CHCHD3: variants seen among roughly 807,000 people sequenced by gnomAD.
CHCHD3 encodes coiled-coil-helix-coiled-coil-helix domain containing 3, also known as MICOS complex subunit MIC19.
CHCHD3 carries 20 observed loss-of-function variants against 38.2 expected under a neutral mutation model. The observed-to-expected ratio is 0.52, with a 90% CI of 0.37 to 0.76. The LOEUF (loss-of-function observed/expected upper bound fraction) is 0.76. Ranked by LOEUF, CHCHD3 falls within the 30% of genes least tolerant of loss-of-function variation. The probability of loss-of-function intolerance (pLI) is 0.00; values close to 1 mark genes in which losing one functional copy is unlikely to be tolerated. For missense variants in CHCHD3, 245 were observed against 279.2 expected (o/e 0.88, Z 0.87); for synonymous variants, 82 against 100.0 (o/e 0.82, Z 1.07).
At chr7:132,937,288 T>C (rs1209116899) in intron 4 of CHCHD3, among the ~76,000 whole-genome samples, 4 of 152,218 alleles carry the variant, frequency 2.6e-5, no homozygotes, top group Non-Finnish European at 5.9e-5. Flanking sequence ...TGCTCATGTA[T>C]ACAGCTATCT....
intron 6 of CHCHD3, among the ~76,000 whole-genome samples, chr7:132,824,676 G>A (rs10242401): frequency 0.38 from 57,463 of 151,868 alleles, 11,434 homozygotes; most frequent in Middle Eastern, 0.51. Context: ...TTTAAAATAC[G>A]GCATTTCAAG....
At chr7:132,982,710 T>C (rs1373007280) in intron 3 of CHCHD3, among the ~76,000 whole-genome samples, 1 of 152,194 alleles carries the variant, frequency 6.6e-6, no homozygotes, top group African/African-American at 2.4e-5. Context: ...AACAACCCTA[T>C]TAAATCAATT....
chr7:132,856,196 G>A (rs944131271), intron 5 of CHCHD3, among the ~76,000 whole-genome samples: 9 of 151,934 alleles, frequency 5.9e-5, no homozygotes, highest in Non-Finnish European at 2.9e-5. Flanking sequence ...CCTAGTGTAG[G>A]TCCAAGTCCT....
intron 4 of CHCHD3, among the ~76,000 whole-genome samples, chr7:132,931,694 C>T (rs988187270): frequency 3.3e-5 from 5 of 152,082 alleles, no homozygotes; most frequent in Non-Finnish European, 5.9e-5. Flanking sequence ...AATGAAATAC[C>T]TCTTGAAAAA....
At chr7:132,804,092 A>G (rs1806855362) in intron 6 of CHCHD3, among the ~76,000 whole-genome samples, 1 of 152,044 alleles carries the variant, frequency 6.6e-6, no homozygotes, top group Non-Finnish European at 1.5e-5. Flanking sequence ...AATGTAGCCA[A>G]GGGACAGGGC....
intron 2 of CHCHD3, among the ~76,000 whole-genome samples, chr7:133,050,040 T>C (rs1417040498): frequency 6.6e-6 from 1 of 152,080 alleles, no homozygotes; most frequent in Admixed American, 6.6e-5. Flanking sequence ...AAGAAGGCAG[T>C]AGCATCAAAA....
At chr7:132,990,721 T>C (rs958428148) in intron 3 of CHCHD3, among the ~76,000 whole-genome samples, 1 of 152,180 alleles carries the variant, frequency 6.6e-6, no homozygotes, top group African/African-American at 2.4e-5. Flanking sequence ...TTTGAAATTA[T>C]GTTCATTGAT....
In CHCHD3 at chr7:132,985,580, C is replaced by A. The variant is rs1394209467; in HGVS notation, c.252-10294G>T. On this transcript the variant is annotated intron_variant, in intron 3 of 7. Transcript: ENST00000262570. ...GGGGTCAGCCCCCCTCCCGGCCAGC[C>A]GCCCCATCCGGGAGGTGAGGGGCGC... Among the ~76,000 whole-genome samples the A allele has an allele frequency of 3.4e-5, 3 of 87,236 alleles. 1 individual carries two copies. Among genetic ancestry groups the A allele is most frequent in the African/African-American group, 1.3e-4 (3 of 22,276 alleles). 57.2% of individuals were successfully genotyped at this position (87,236 alleles called of 152,430 possible).
chr7:132,829,811 G>A (rs1210367868), intron 6 of CHCHD3, among the ~76,000 whole-genome samples: 1 of 152,126 alleles, frequency 6.6e-6, no homozygotes, highest in Non-Finnish European at 1.5e-5. Flanking sequence ...GCTGCATTTT[G>A]CATTGTCTTT....
At position 132,974,613 on chromosome 7, in the gene CHCHD3, C is replaced by T. The variant is rs543425141; in HGVS notation, c.369+556G>A. ...AAGACAGGCCGGGCTCGGTGGCTCACACCTGTAATCCCAGCAGTTTGGGAA... is the reference window on the plus strand; with the variant it reads ...AAGACAGGCCGGGCTCGGTGGCTCATACCTGTAATCCCAGCAGTTTGGGAA... On this transcript the variant is annotated intron_variant, in intron 4 of 7. Coordinates refer to ENST00000262570, the MANE Select transcript of CHCHD3 (RefSeq NM_017812.4). 3.9e-5 allele frequency among the ~76,000 whole-genome samples: 6 copies of T among 152,288 alleles called. No individual in the cohort carries two copies. The East Asian group carries it at 7.7e-4, about 20-fold the overall frequency.
chr7:133,070,360 C>T, intron 1 of CHCHD3, 131 bp from the exon 2 acceptor site: 1 of 662,052 alleles, frequency 1.5e-6, no homozygotes, highest in Non-Finnish European at 2.6e-6. Flanking sequence ...TAGGTTAAAT[C>T]TAACAGCCAT....
chr7:132,831,142 C>T (rs184949846), intron 6 of CHCHD3, among the ~76,000 whole-genome samples: 34 of 152,246 alleles, frequency 2.2e-4, no homozygotes, highest in African/African-American at 7.9e-4. Context: ...ATGAAGGAGA[C>T]ATCTTTATAA....
chr7:132,804,291 A>C (rs1249768117), intron 6 of CHCHD3, among the ~76,000 whole-genome samples: 1 of 152,134 alleles, frequency 6.6e-6, no homozygotes, highest in African/African-American at 2.4e-5. Flanking sequence ...GCTTACAATC[A>C]CAGACTCTTG....
intron 2 of CHCHD3, among the ~76,000 whole-genome samples, chr7:133,056,277 A>G (rs1456507137): frequency 6.6e-6 from 1 of 152,198 alleles, no homozygotes; most frequent in African/African-American, 2.4e-5. Context: ...TCAAATAAAT[A>G]TAACTAGTTA....
At chr7:133,049,144 A>T (rs552742882) in intron 2 of CHCHD3, among the ~76,000 whole-genome samples, 1 of 152,332 alleles carries the variant, frequency 6.6e-6, no homozygotes, top group East Asian at 1.9e-4. Flanking sequence ...ACGCACATAC[A>T]CACACAAATA....
intron 4 of CHCHD3, among the ~76,000 whole-genome samples, chr7:132,953,976 T>C (rs979212626): frequency 1.3e-5 from 2 of 152,162 alleles, no homozygotes; most frequent in Non-Finnish European, 2.9e-5. Flanking sequence ...ATGGAGAAGA[T>C]TGTGATCATT....
intron 5 of CHCHD3, among the ~76,000 whole-genome samples, chr7:132,866,471 A>G (rs1808628072): frequency 6.6e-6 from 1 of 152,220 alleles, no homozygotes; most frequent in African/African-American, 2.4e-5. Flanking sequence ...AAAACTTGCA[A>G]TAAATGTTAC....
chr7:132,960,928 T>C (rs1437629887), intron 4 of CHCHD3, among the ~76,000 whole-genome samples: 1 of 152,094 alleles, frequency 6.6e-6, no homozygotes, highest in African/African-American at 2.4e-5. Context: ...TGAGCAAATA[T>C]GGTGCCACTG....
At chr7:132,807,107 G>C (rs1255503856) in intron 6 of CHCHD3, among the ~76,000 whole-genome samples, 1 of 152,174 alleles carries the variant, frequency 6.6e-6, no homozygotes, top group Admixed American at 6.5e-5. Context: ...GTAAGCCCAC[G>C]CATGAGAAAA....
Sources: allele counts gnomAD v4.1 joint callset (sites outside exome capture counted in the v4.1 genomes callset), GRCh38; gene constraint gnomAD v4.1.1; transcripts MANE v1.5; gene names NCBI Gene and HGNC (gene_info 2026-07-23, HGNC 2026-07-21).